The following NCKAP5 variants were observed in gnomAD, a reference collection of about 807,000 sequenced individuals.
NCKAP5 encodes nck-associated protein 5.
NCKAP5 carries 92 observed loss-of-function variants against 167.0 expected under a neutral mutation model. That is an observed-to-expected ratio of 0.55 (90% CI 0.47 to 0.66). The LOEUF is 0.66. NCKAP5 is among the 30% of genes least tolerant of loss of function. The probability of loss-of-function intolerance (pLI) is 0.00; values close to 1 mark genes in which losing one functional copy is unlikely to be tolerated. For missense variants in NCKAP5, 2,378 were observed against 2,315.0 expected, an observed-to-expected ratio of 1.03 and a Z score of -0.56; for synonymous variants, 891 against 877.4, an observed-to-expected ratio of 1.02 and a Z score of -0.27.
the NCKAP5 span, among the ~76,000 whole-genome samples, chr2:133,624,464 G>C: frequency 1.3e-5 from 2 of 151,876 alleles, no homozygotes; most frequent in African/African-American, 4.8e-5. Context: ...CTGAGCTGCA[G>C]GCTCTTAGAG....
At chr2:133,307,959 G>A (rs1328589774) in intron 3 of NCKAP5, among the ~76,000 whole-genome samples, 1 of 151,678 alleles carries the variant, frequency 6.6e-6, no homozygotes. Flanking sequence ...GAGAAAAAGT[G>A]GAATATACAT....
At chr2:133,377,064 CA>C (rs1559430086) in intron 3 of NCKAP5, among the ~76,000 whole-genome samples, 2 of 152,000 alleles carry the variant, frequency 1.3e-5, no homozygotes, top group African/African-American at 4.8e-5. Context: ...AACTAACATA[CA>C]AAAAAAGAAA....
At chr2:133,582,359 G>T in the NCKAP5 span, among the ~76,000 whole-genome samples, 1 of 152,186 alleles carries the variant, frequency 6.6e-6, no homozygotes, top group Non-Finnish European at 1.5e-5. Context: ...GCTGAAACGG[G>T]CTAGACATGA....
intron 6 of NCKAP5, among the ~76,000 whole-genome samples, chr2:133,014,909 G>A (rs945752473): frequency 6.6e-6 from 1 of 152,178 alleles, no homozygotes. Context: ...GATTCACATA[G>A]AATTGCTGAT....
chr2:132,736,066 T>C (rs1691478042), intron 16 of NCKAP5, among the ~76,000 whole-genome samples: 1 of 152,144 alleles, frequency 6.6e-6, no homozygotes, highest in South Asian at 2.1e-4. Context: ...TCATAAACCA[T>C]TCACTATTAA....
At chr2:133,298,161 G>A (rs1347452425) in intron 4 of NCKAP5, among the ~76,000 whole-genome samples, 1 of 152,178 alleles carries the variant, frequency 6.6e-6, no homozygotes, top group Admixed American at 6.5e-5. Context: ...GTCACTTTAA[G>A]TCAGTGAAGT....
chr2:133,495,496 AT>A (rs1374930910), intron 3 of NCKAP5, among the ~76,000 whole-genome samples: 1 of 152,214 alleles, frequency 6.6e-6, no homozygotes, highest in African/African-American at 2.4e-5. Flanking sequence ...GAAACCAGCC[AT>A]TACCTCCCTC....
intron 3 of NCKAP5, among the ~76,000 whole-genome samples, chr2:133,402,039 C>A (rs1688134129): frequency 6.6e-6 from 1 of 152,122 alleles, no homozygotes; most frequent in Non-Finnish European, 1.5e-5. Context: ...GTCACCCTGT[C>A]AGCGTCATCA....
chr2:132,765,605 T>C (rs907885143), intron 16 of NCKAP5, among the ~76,000 whole-genome samples: 4 of 148,876 alleles, frequency 2.7e-5, no homozygotes, highest in African/African-American at 4.9e-5. Flanking sequence ...TTCCTATGCA[T>C]TTCTTAAATG....
At chr2:133,620,040 C>T in the NCKAP5 span, among the ~76,000 whole-genome samples, 389 of 152,126 alleles carry the variant, frequency 2.6e-3, 2 homozygotes, top group African/African-American at 8.8e-3. Flanking sequence ...CTTTTCCAGA[C>T]AAACAAAGGC....
rs1371195513 is a variant in NCKAP5 at position 132,676,280 on chromosome 2, AT to A, written c.5714-2976del. ...GTTTCTGAGCTAGGGATGTTGTTTT[AT>A]CCTTTTTTTTTTTTTTTTTTTTTTT... On this transcript the variant is annotated intron_variant, in intron 19 of 19. Coordinates refer to ENST00000409261, the MANE Select transcript of NCKAP5 (RefSeq NM_207363.3). Among the ~76,000 whole-genome samples the A allele has an allele frequency of 3.1e-4, 27 of 88,330 alleles. 1 individual carries two copies. Among genetic ancestry groups the A allele is most frequent in the Non-Finnish European group, 2.3e-5 (1 of 42,884 alleles). The allele number at this position is 88,330 out of a possible 152,430, so 57.9% of individuals were successfully genotyped here.
At chr2:133,221,914 C>A (rs1426567716) in intron 4 of NCKAP5, among the ~76,000 whole-genome samples, 2 of 152,154 alleles carry the variant, frequency 1.3e-5, no homozygotes, top group South Asian at 2.1e-4. Flanking sequence ...CCATGGTCTG[C>A]CACTTTGGTG....
At chr2:133,201,352 G>A (rs2085677032) in intron 5 of NCKAP5, among the ~76,000 whole-genome samples, 1 of 152,074 alleles carries the variant, frequency 6.6e-6, no homozygotes, top group African/African-American at 2.4e-5. Context: ...AATAGAAATG[G>A]CAGCTACTGA....
chr2:133,397,232 A>G (rs1687786107), intron 3 of NCKAP5, among the ~76,000 whole-genome samples: 1 of 152,202 alleles, frequency 6.6e-6, no homozygotes, highest in Non-Finnish European at 1.5e-5. Context: ...TTGTTCATTC[A>G]TTTATGGCTG....
chr2:132,785,534 T>A lies in NCKAP5; in HGVS notation c.1277A>T (p.Tyr426Phe). 6.2e-7 allele frequency: 1 copy of A among 1,608,518 alleles called. No individual in the cohort carries two copies. Among genetic ancestry groups the A allele is most frequent in the Non-Finnish European group, 8.5e-7 (1 of 1,177,028 alleles). The change falls in exon 14 of 20, where the codon TAT becomes TTT. Residue 426 changes from tyrosine (Y) to phenylalanine (F), a missense_variant. Coordinates refer to ENST00000409261, the MANE Select transcript of NCKAP5 (RefSeq NM_207363.3). ...EPPSVITKWG[Y>F]KDCMNSNEGI... is the part of the protein sequence containing the mutation. ...TTCATTCGAGTTCATGCAATCTTTA[T>A]AACCCCATTTGGTTATCACTGATGG...
chr2:132,878,932 A>G lies in NCKAP5; in HGVS notation c.580-16T>C. ...AATTCTCTGCCTGCAGTAAGATACA[A>G]AAATAACACAAATAAATCAATGAAA... On this transcript the variant is annotated splice_polypyrimidine_tract_variant and intron_variant, in intron 8 of 19. Coordinates refer to ENST00000409261, the MANE Select transcript of NCKAP5 (RefSeq NM_207363.3). 1 of 1,592,262 alleles carries G rather than the reference A, an allele frequency of 6.3e-7. No homozygotes were observed. Among genetic ancestry groups the G allele is most frequent in the African/African-American group, 1.3e-5 (1 of 74,570 alleles).
intron 2 of NCKAP5, among the ~76,000 whole-genome samples, chr2:133,545,683 G>C (rs1390270440): frequency 6.6e-6 from 1 of 151,900 alleles, no homozygotes; most frequent in Non-Finnish European, 1.5e-5. Context: ...TATCTACCTG[G>C]CCTAAGAAAC....
chr2:133,010,288 T>A (rs2078113423), intron 6 of NCKAP5, among the ~76,000 whole-genome samples: 1 of 152,204 alleles, frequency 6.6e-6, no homozygotes, highest in African/African-American at 2.4e-5. Flanking sequence ...CTACTGAAAG[T>A]AAGAGCGCTT....
intron 16 of NCKAP5, among the ~76,000 whole-genome samples, chr2:132,768,515 G>C (rs1319632921): frequency 6.6e-6 from 1 of 152,042 alleles, no homozygotes; most frequent in East Asian, 1.9e-4. Context: ...AGCTAGGCTA[G>C]CCATTTGCTT....
Sources: gnomAD v4.1 joint callset for allele counts (sites outside exome capture counted in the v4.1 genomes callset) on GRCh38, gnomAD v4.1.1 for gene constraint, MANE v1.5 for transcripts, NCBI Gene and HGNC (gene_info 2026-07-23, HGNC 2026-07-21) for gene names.